RAP1GDS1: variants seen among roughly 807,000 people sequenced by gnomAD.
RAP1GDS1 encodes the protein Rap1 GTPase-GDP dissociation stimulator 1.
A neutral mutation model predicts 71.1 loss-of-function variants in RAP1GDS1; 35 were observed. The ratio of observed to expected loss-of-function variants is 0.49; its 90% confidence interval spans 0.38 to 0.65. RAP1GDS1 has a LOEUF of 0.65. RAP1GDS1 is among the 30% of genes least tolerant of loss of function. The pLI, the probability that RAP1GDS1 is intolerant of heterozygous loss-of-function variation, is 0.00. For missense variants in RAP1GDS1, 663 were observed against 706.1 expected (o/e 0.94, Z 0.69); for synonymous variants, 229 against 243.1 (o/e 0.94, Z 0.54).
At chr4:98,302,020 T>C (rs868834970) in intron 2 of RAP1GDS1, among the ~76,000 whole-genome samples, 16 of 152,188 alleles carry the variant, frequency 1.1e-4, no homozygotes, top group Non-Finnish European at 2.2e-4. Context: ...ATTCAATTTT[T>C]ATTACTAGTC....
intron 1 of RAP1GDS1, 92 bp from the exon 2 acceptor site, chr4:98,293,316 T>A: frequency 1.3e-6 from 1 of 794,096 alleles, no homozygotes; most frequent in South Asian, 1.9e-5. Context: ...TATAGGAAGC[T>A]CTCCAGTTTA....
intron 4 of RAP1GDS1, among the ~76,000 whole-genome samples, chr4:98,356,073 T>C (rs1173926119): frequency 1.3e-5 from 2 of 152,138 alleles, no homozygotes; most frequent in African/African-American, 4.8e-5. Flanking sequence ...CCTTTAACTT[T>C]GCCAAAATAA....
intron 1 of RAP1GDS1, among the ~76,000 whole-genome samples, chr4:98,267,640 C>G (rs916099585): frequency 6.6e-6 from 1 of 152,152 alleles, no homozygotes; most frequent in Non-Finnish European, 1.5e-5. Context: ...GGATAGTGGC[C>G]TCCAGCTCCA....
intron 1 of RAP1GDS1, among the ~76,000 whole-genome samples, chr4:98,281,322 G>A (rs139402465): frequency 0.14 from 21,477 of 151,724 alleles, 2,202 homozygotes; most frequent in African/African-American, 0.29. Flanking sequence ...TGAAGAGGTC[G>A]TTCACATCCC....
At chr4:98,401,099 C>G (rs909811716) in intron 6 of RAP1GDS1, among the ~76,000 whole-genome samples, 2 of 152,146 alleles carry the variant, frequency 1.3e-5, no homozygotes, top group Non-Finnish European at 2.9e-5. Context: ...GTGATGTTAT[C>G]GTCCCATGTG....
In RAP1GDS1 at chr4:98,264,321, G is replaced by T. The variant is rs368164216; in HGVS notation, c.4+2752G>T. ...TGAGGCAGGAGAATCACTTGAACCC[G>T]GGAGGCGGAGTTTGCAGTGAGCCGA... On this transcript the variant is annotated intron_variant, in intron 1 of 14. Transcript: ENST00000408927. 3.8e-3 allele frequency among the ~76,000 whole-genome samples: 580 copies of T among 152,094 alleles called. 6 individuals carry two copies. The highest frequency in any genetic ancestry group is 0.013 in the African/African-American group (554 of 41,492).
intron 2 of RAP1GDS1, among the ~76,000 whole-genome samples, chr4:98,299,449 A>G (rs1293954784): frequency 6.6e-6 from 1 of 152,182 alleles, no homozygotes; most frequent in Non-Finnish European, 1.5e-5. Context: ...TCTATTATGG[A>G]TGACTTTGAG....
At chr4:98,284,768 C>T (rs895179199) in intron 1 of RAP1GDS1, among the ~76,000 whole-genome samples, 1 of 152,132 alleles carries the variant, frequency 6.6e-6, no homozygotes, top group Admixed American at 6.6e-5. Context: ...CTGAGAAATC[C>T]GAGTACCTGG....
At chr4:98,410,436 G>C (rs1401608945) in intron 7 of RAP1GDS1, among the ~76,000 whole-genome samples, 3 of 152,114 alleles carry the variant, frequency 2.0e-5, no homozygotes, top group Non-Finnish European at 2.9e-5. Flanking sequence ...GGAACAGTGG[G>C]AGTGTAAATT....
chr4:98,418,660 C>A lies in RAP1GDS1; in HGVS notation c.1043C>A (p.Ala348Glu). The stretch of plus-strand genomic sequence containing the variant: ...AGATGTGTGTTTTTTTTTTCAGATG[C>A]AAATTGTATTCATATGGTAGACAAT... ...LAIANFARND[A>E]NCIHMVDNGI... The change falls in exon 10 of 15, where the codon GCA (alanine) becomes GAA (glutamate). Residue 348 changes from alanine (A) to glutamate (E), a missense_variant. Ala to Glu is a moderately radical substitution (Grantham distance 107). Transcript: ENST00000408927. 1 of 1,575,960 alleles carries A rather than the reference C, an allele frequency of 6.3e-7. No homozygotes were observed. Among genetic ancestry groups the A allele is most frequent in the Non-Finnish European group, 8.6e-7 (1 of 1,167,082 alleles).
intron 4 of RAP1GDS1, among the ~76,000 whole-genome samples, chr4:98,361,671 G>T (rs986394875): frequency 3.9e-5 from 6 of 152,104 alleles, no homozygotes; most frequent in Admixed American, 3.3e-4. Context: ...ATCAAATGCT[G>T]GGCCATAACC....
intron 6 of RAP1GDS1, among the ~76,000 whole-genome samples, chr4:98,392,564 G>A (rs1004288752): frequency 1.3e-5 from 2 of 152,122 alleles, no homozygotes; most frequent in Admixed American, 6.6e-5. Context: ...AGCTGGGTGT[G>A]GTGGCTAGTG....
At chr4:98,292,202 C>CT (rs1220819749) in intron 1 of RAP1GDS1, among the ~76,000 whole-genome samples, 2 of 151,674 alleles carry the variant, frequency 1.3e-5, no homozygotes, top group Non-Finnish European at 2.9e-5. Flanking sequence ...TCCTAGCTCC[C>CT]TGTAGACTCA....
intron 4 of RAP1GDS1, among the ~76,000 whole-genome samples, chr4:98,366,839 A>G (rs1739572403): frequency 6.6e-6 from 1 of 152,258 alleles, no homozygotes; most frequent in Admixed American, 6.5e-5. Context: ...AAAGCATTCA[A>G]GAGGTGACTT....
chr4:98,301,028 A>G (rs1435495145), intron 2 of RAP1GDS1, among the ~76,000 whole-genome samples: 3 of 149,076 alleles, frequency 2.0e-5, no homozygotes, highest in East Asian at 1.9e-4. Context: ...TGTATTTGCA[A>G]TCTCTGAACA....
At chr4:98,437,106 T>A in intron 14 of RAP1GDS1, 38 bp downstream of exon 14, 1 of 1,519,196 alleles carries the variant, frequency 6.6e-7, no homozygotes, top group Non-Finnish European at 8.8e-7. Context: ...CATAAACATA[T>A]GGTTCACATT....
rs552644697 is a variant in RAP1GDS1 at position 98,421,149 on chromosome 4, C to T, written c.1301-106C>T. ...GCAGTTCTAGCTTTAATGAAATTGT[C>T]GTGCTGTGTTTTTTTAGACGTCCTT... On this transcript the variant is annotated intron_variant, in intron 11 of 14. Coordinates refer to ENST00000408927, the MANE Select transcript of RAP1GDS1 (RefSeq NM_001100427.2). 34 of 1,221,296 alleles carry T rather than the reference C, an allele frequency of 2.8e-5. No homozygotes were observed. The Middle Eastern group carries it at 9.1e-4, about 33-fold the overall frequency. The allele number at this position is 1,221,296 out of a possible 1,614,324, so 75.7% of individuals were successfully genotyped here.
chr4:98,264,222 C>T (rs1722407868), intron 1 of RAP1GDS1, among the ~76,000 whole-genome samples: 1 of 152,102 alleles, frequency 6.6e-6, no homozygotes, highest in African/African-American at 2.4e-5. Flanking sequence ...AAAACCCTGT[C>T]TCTACTAAAA....
At chr4:98,293,319 C>T in intron 1 of RAP1GDS1, 89 bp from the exon 2 acceptor site, 2 of 825,848 alleles carry the variant, frequency 2.4e-6, no homozygotes, top group Non-Finnish European at 3.8e-6. Flanking sequence ...AGGAAGCTCT[C>T]CAGTTTAGTG....
Sources: gnomAD v4.1 joint callset for allele counts (sites outside exome capture counted in the v4.1 genomes callset) on GRCh38, gnomAD v4.1.1 for gene constraint, MANE v1.5 for transcripts, NCBI Gene and HGNC (gene_info 2026-07-23, HGNC 2026-07-21) for gene names.